The following SYNE1 variants were observed in gnomAD, a reference collection of about 807,000 sequenced individuals.
SYNE1 encodes the protein nesprin-1.
In SYNE1, 616 loss-of-function variants were observed where a neutral mutation model predicts 1,111.0. The ratio of observed to expected loss-of-function variants is 0.55; its 90% confidence interval spans 0.52 to 0.59. The LOEUF (loss-of-function observed/expected upper bound fraction) is 0.59. Ranked by LOEUF, SYNE1 falls within the 20% of genes least tolerant of loss-of-function variation. The probability of loss-of-function intolerance (pLI) is 0.00; values close to 1 mark genes in which losing one functional copy is unlikely to be tolerated. For missense variants in SYNE1, 10,006 were observed against 10,417.0 expected (o/e 0.96, Z 1.72); for synonymous variants, 3,855 against 3,825.8 (o/e 1.01, Z -0.28).
intron 3 of SYNE1, among the ~76,000 whole-genome samples, chr6:152,587,739 G>A (rs1296515918): frequency 6.6e-6 from 1 of 152,188 alleles, no homozygotes; most frequent in Non-Finnish European, 1.5e-5. Flanking sequence ...TGTGTAAGGT[G>A]CAAGCTAGAT....
At chr6:152,183,126 C>T (rs1470734357) in intron 128 of SYNE1, among the ~76,000 whole-genome samples, 1 of 152,206 alleles carries the variant, frequency 6.6e-6, no homozygotes, top group Non-Finnish European at 1.5e-5. Context: ...CCTTACCCCT[C>T]TAGCTCTGAG....
chr6:152,431,020 A>G (rs2098423840), intron 34 of SYNE1, among the ~76,000 whole-genome samples: 1 of 152,184 alleles, frequency 6.6e-6, no homozygotes, highest in Non-Finnish European at 1.5e-5. Context: ...GGTACAGAGA[A>G]TTATGTTTAC....
chr6:152,495,924 T>C (rs906264234), intron 11 of SYNE1, among the ~76,000 whole-genome samples: 1 of 152,224 alleles, frequency 6.6e-6, no homozygotes, highest in African/African-American at 2.4e-5. Context: ...AAATTTTATA[T>C]TCGAGTGCTA....
At chr6:152,277,488 A>G (rs2093727839) in intron 98 of SYNE1, 1 of 147,568 alleles carries the variant, frequency 6.8e-6, no homozygotes, top group African/African-American at 2.5e-5. Context: ...GGGTTTCACC[A>G]TGTTAGCCAG....
At chr6:152,505,158 C>G (rs1260007065) in intron 9 of SYNE1, 43 bp downstream of exon 9, 3 of 1,604,924 alleles carry the variant, frequency 1.9e-6, no homozygotes, top group East Asian at 2.2e-5. Flanking sequence ...CATAAAAACC[C>G]TCCGTGTTAA....
In SYNE1 at chr6:152,331,386, G is replaced by A. The variant is rs763090658; in HGVS notation, c.13299C>T (p.His4433=). The A allele has an allele frequency of 9.3e-6, 15 of 1,614,032 alleles. No individual in the cohort carries two copies. Among genetic ancestry groups the A allele is most frequent in the Admixed American group, 3.3e-5 (2 of 59,992 alleles). ...IQKALSDAQS[H]VNCLSDLVGQ... is the part of the protein sequence containing the mutation. Reference sequence around the variant, plus strand: ...CCACTAAGTCACTGAGACAATTCACGTGGCTTTGTGCATCAGAGAGAGCCT... The same window carrying A: ...CCACTAAGTCACTGAGACAATTCACATGGCTTTGTGCATCAGAGAGAGCCT... The change falls in exon 78 of 146, where the codon CAC becomes CAT. Residue 4433 remains histidine (H), a synonymous_variant. Transcript: ENST00000367255.
At chr6:152,397,239 G>A (rs1157610207) in intron 49 of SYNE1, among the ~76,000 whole-genome samples, 1 of 152,164 alleles carries the variant, frequency 6.6e-6, no homozygotes, top group Non-Finnish European at 1.5e-5. Flanking sequence ...CTTGTTCTCA[G>A]TCTCTCCCCA....
At chr6:152,123,253 A>G (rs2052058915) in intron 145 of SYNE1, among the ~76,000 whole-genome samples, 1 of 152,226 alleles carries the variant, frequency 6.6e-6, no homozygotes, top group African/African-American at 2.4e-5. Context: ...AATCAGCATC[A>G]GGCCCTGACA....
Position 152,352,184 on chromosome 6 carries a change from T to C in SYNE1, c.11423A>G (p.His3808Arg), listed in dbSNP as rs1483920763. The C allele has an allele frequency of 6.2e-7, 1 of 1,614,228 alleles. No homozygotes were observed. Among genetic ancestry groups the C allele is most frequent in the East Asian group, 2.2e-5 (1 of 44,888 alleles). ...KELTSTVRKE[H>R]MTLEKGLHLA... is the part of the protein sequence containing the mutation. ...ATGAAGACCTTTTTCCAGCGTCATG[T>C]GTTCTTTCCGGACAGTGCTGGTCAG... The change falls in exon 70 of 146, where the codon CAC becomes CGC. Residue 3808 changes from histidine (H) to arginine (R), a missense_variant. By Grantham distance (29) the His-to-Arg change is conservative (BLOSUM62 0). This residue lies in a region of SYNE1 where 4,955 missense variants were observed against 5,017.2 expected (regional missense o/e 0.99). Transcript: ENST00000367255.
At chr6:152,310,115 AT>A in intron 89 of SYNE1, 98 bp from the exon 90 acceptor site, 1 of 1,332,288 alleles carries the variant, frequency 7.5e-7, no homozygotes, top group Non-Finnish European at 9.8e-7. Flanking sequence ...AGTTATAAAC[AT>A]TTTGCAAAAA....
chr6:152,205,344 C>T (rs76086918), intron 126 of SYNE1, among the ~76,000 whole-genome samples: 1,580 of 152,160 alleles, frequency 0.01, 32 homozygotes, highest in African/African-American at 0.036. Context: ...ATTCATTTAG[C>T]GCTCAGTATG....
At chr6:152,548,028 G>A (rs940225725) in intron 3 of SYNE1, among the ~76,000 whole-genome samples, 12 of 152,054 alleles carry the variant, frequency 7.9e-5, no homozygotes, top group Non-Finnish European at 1.3e-4. Context: ...CCTCAATAAG[G>A]CTGGGGAAAA....
chr6:152,193,847 T>TA (rs564945651), intron 127 of SYNE1, among the ~76,000 whole-genome samples: 75 of 151,492 alleles, frequency 5.0e-4, no homozygotes, highest in African/African-American at 1.4e-3. Flanking sequence ...CTGTCTCTAC[T>TA]AAAAAAATAC....
intron 19 of SYNE1, 146 bp downstream of exon 19, chr6:152,463,207 C>T (rs971317755): frequency 1.8e-6 from 2 of 1,137,434 alleles, no homozygotes; most frequent in South Asian, 1.4e-5. Flanking sequence ...GAATGAAGAA[C>T]CAACCATAAA....
At chr6:152,227,503 T>C (rs975485663) in intron 115 of SYNE1, among the ~76,000 whole-genome samples, 2 of 152,208 alleles carry the variant, frequency 1.3e-5, no homozygotes, top group African/African-American at 4.8e-5. Context: ...ATTTTGTCAC[T>C]ATTTTGACAG....
chr6:152,209,760 A>G (rs1259818917), intron 124 of SYNE1, among the ~76,000 whole-genome samples: 1 of 152,114 alleles, frequency 6.6e-6, no homozygotes, highest in Non-Finnish European at 1.5e-5. Context: ...AAAAAAGAAA[A>G]AAAAAAAAAA....
intron 145 of SYNE1, 72 bp from the exon 146 acceptor site, chr6:152,122,748 C>A (rs1562819230): frequency 1.9e-6 from 3 of 1,604,858 alleles, no homozygotes; most frequent in African/African-American, 2.7e-5. Flanking sequence ...TGCCTCTGCA[C>A]CTTCCTGGAA....
intron 131 of SYNE1, among the ~76,000 whole-genome samples, chr6:152,161,889 G>A (rs1357026765): frequency 1.3e-5 from 2 of 152,168 alleles, no homozygotes; most frequent in African/African-American, 4.8e-5. Flanking sequence ...GTAAGCCTGG[G>A]TACTGACATA....
chr6:152,352,456 G>A (rs2096758681), intron 69 of SYNE1, 103 bp from the exon 70 acceptor site: 4 of 1,236,238 alleles, frequency 3.2e-6, no homozygotes, highest in Middle Eastern at 2.7e-4. Flanking sequence ...AGGCTAGAGT[G>A]CAGTGGCACA....
Sources: gnomAD v4.1 joint callset for allele counts (sites outside exome capture counted in the v4.1 genomes callset) on GRCh38, gnomAD v4.1.1 for gene constraint, gnomAD v4.1.1 regional missense constraint, MANE v1.5 for transcripts, NCBI Gene and HGNC (gene_info 2026-07-23, HGNC 2026-07-21) for gene names.